Variants in CBFB observed in about 807,000 individuals in gnomAD.
CBFB encodes the protein core-binding factor subunit beta.
CBFB carries 9 observed loss-of-function variants against 30.4 expected under a neutral mutation model. The ratio of observed to expected loss-of-function variants is 0.30; its 90% CI spans 0.18 to 0.52. The LOEUF (loss-of-function observed/expected upper bound fraction) is 0.52. Ranked by LOEUF, CBFB falls within the 20% of genes least tolerant of loss-of-function variation. CBFB has a pLI of 0.97. For synonymous variants in CBFB, 94 were observed against 84.0 expected (o/e 1.12, Z -0.65); for missense variants, 170 against 244.0 (o/e 0.70, Z 2.02).
intron 3 of CBFB, among the ~76,000 whole-genome samples, chr16:67,062,370 T>C (rs1231486829): frequency 1.3e-5 from 2 of 151,452 alleles, no homozygotes; most frequent in Non-Finnish European, 2.9e-5. Flanking sequence ...GGTTTTGCCA[T>C]GTTGGCCGGG....
At position 67,092,698 on chromosome 16, in the gene CBFB, CTTTTTTTTTTTTTT is replaced by C. The variant is rs777213321; in HGVS notation, c.496-5993_496-5980del. The stretch of plus-strand genomic sequence containing the variant: ...CCAGGCTAGGTTACAGTGGTGCAAT[CTTTTTTTTTTTTTT>C]TTTTTTTTTTTTTTTTTTGAGATAA... On this transcript the variant is annotated intron_variant, in intron 5 of 5. Coordinates refer to ENST00000412916, the MANE Select transcript of CBFB (RefSeq NM_022845.3). Among the ~76,000 whole-genome samples the C allele has an allele frequency of 1.3e-3, 44 of 33,530 alleles. 1 individual carries two copies. The South Asian group carries it at 0.023, about 18-fold the overall frequency. 22.0% of individuals were successfully genotyped at this position (33,530 alleles called of 152,430 possible).
At position 67,051,073 on chromosome 16, in the gene CBFB, T is replaced by C. The variant is rs910485136; in HGVS notation, c.282+14318T>C. Among the ~76,000 whole-genome samples the C allele has an allele frequency of 5.8e-4, 89 of 152,322 alleles. 1 individual carries two copies. The highest frequency in any genetic ancestry group is 2.0e-3 in the African/African-American group (84 of 41,568). On this transcript the variant is annotated intron_variant, in intron 3 of 5. Transcript: ENST00000412916. ...CGTGATTGACTGTGAGTAACTGAAA[T>C]CATGGAGAGCAAAACTGTGGCTAAG...
rs1347039750 is a variant in CBFB at position 67,100,751 on chromosome 16, G to A, written c.*1973G>A. The A allele has an allele frequency of 4.6e-6, 1 of 217,494 alleles. No homozygotes were observed. 13.5% of individuals were successfully genotyped at this position (217,494 alleles called of 1,614,324 possible). A position where few individuals can be genotyped will look rare whatever the true frequency, so the allele number is the denominator to read the frequency against. On this transcript the variant is annotated 3_prime_UTR_variant, in exon 6 of 6. Transcript: ENST00000412916. ...TAAATGTTCCTGTTACCATCCTAATGTAAATACTGGATTTTTCTGTCATTT... is the reference window on the plus strand; with the variant it reads ...TAAATGTTCCTGTTACCATCCTAATATAAATACTGGATTTTTCTGTCATTT...
At position 67,029,188 on chromosome 16, in the gene CBFB, A is replaced by AGGCGGC. The variant is rs557593884; in HGVS notation, c.-200_-195dup. On this transcript the variant is annotated 5_prime_UTR_variant, in exon 1 of 6. Coordinates refer to ENST00000412916, the MANE Select transcript of CBFB (RefSeq NM_022845.3). ...CTGCGCGGGCGGCAGGCAACGGCTGAGGCGGCGGCGGCGGCGGCGGCGGCG... is the reference window on the plus strand; with the variant it reads ...CTGCGCGGGCGGCAGGCAACGGCTGAGGCGGCGGCGGCGGCGGCGGCGGCGGCGGCG... 1.1e-3 allele frequency: 212 copies of AGGCGGC among 192,884 alleles called. 1 individual carries two copies. Among genetic ancestry groups the AGGCGGC allele is most frequent in the East Asian group, 3.3e-3 (26 of 7,812 alleles). The allele number at this position is 192,884 out of a possible 1,614,324, so 11.9% of individuals were successfully genotyped here. A position where few individuals can be genotyped will look rare whatever the true frequency, so the allele number is the denominator to read the frequency against.
Position 67,095,345 on chromosome 16 carries a change from C to T in CBFB, c.496-3365C>T, listed in dbSNP as rs956399806. Among the ~76,000 whole-genome samples, 5 of 151,902 alleles carry T rather than the reference C, an allele frequency of 3.3e-5. No homozygotes were observed. The South Asian group carries it at 1.0e-3, about 31-fold the overall frequency. ...CATCCTGGCTAACATGGTGAAACCC[C>T]GTCTGTACTAAAATACAAAAAATTA... On this transcript the variant is annotated intron_variant, in intron 5 of 5. Transcript: ENST00000412916.
chr16:67,081,402 C>T (rs560404591), intron 4 of CBFB, among the ~76,000 whole-genome samples: 36 of 151,942 alleles, frequency 2.4e-4, no homozygotes, highest in Non-Finnish European at 3.7e-4. Flanking sequence ...ATAGCAAAGA[C>T]TTGGAACCAA....
rs1211417302 is a variant in CBFB at position 67,041,840 on chromosome 16, T to TCATAGTTC, written c.282+5086_282+5093dup. ...CCCAGGCTGGAGTGCAGTGGTGCAA[T>TCATAGTTC]CATAGTTCACTGTAACCTCAAACCT... is the stretch of plus-strand genomic sequence containing the variant. On this transcript the variant is annotated intron_variant, in intron 3 of 5. Transcript: ENST00000412916. 2.1e-5 allele frequency among the ~76,000 whole-genome samples: 3 copies of TCATAGTTC among 144,200 alleles called. No individual in the cohort carries two copies. In the Admixed American group the frequency reaches 2.1e-4, roughly 10 times the overall value. 94.6% of individuals were successfully genotyped at this position (144,200 alleles called of 152,430 possible). A position where few individuals can be genotyped will look rare whatever the true frequency, so the allele number is the denominator to read the frequency against.
chr16:67,084,183 A>AC (rs1961650600), intron 5 of CBFB, among the ~76,000 whole-genome samples: 5 of 151,154 alleles, frequency 3.3e-5, no homozygotes, highest in Middle Eastern at 3.4e-3. Flanking sequence ...AAAAAAAAAA[A>AC]AAAAAAGTAT....
At chr16:67,066,623 CTT>C (rs1567615670) in intron 3 of CBFB, 57 bp from the exon 4 acceptor site, 2 of 905,964 alleles carry the variant, frequency 2.2e-6, no homozygotes, top group Non-Finnish European at 3.6e-6. Flanking sequence ...TAAGTTTAAT[CTT>C]TTTATTTTCA....
intron 4 of CBFB, among the ~76,000 whole-genome samples, chr16:67,074,997 A>G (rs1446544326): frequency 6.6e-6 from 1 of 152,044 alleles, no homozygotes; most frequent in African/African-American, 2.4e-5. Flanking sequence ...GTTGGAGACC[A>G]GCCTGGTATG....
intron 5 of CBFB, chr16:67,093,372 T>TG (rs1961954849): frequency 7.6e-6 from 1 of 131,922 alleles, no homozygotes; most frequent in Non-Finnish European, 1.5e-5. Context: ...CAGCAGGTTT[T>TG]TTTTTTTTTT....
intron 3 of CBFB, among the ~76,000 whole-genome samples, chr16:67,037,666 A>ATTTTTTTTTTTTTTTT (rs35804914): frequency 7.7e-6 from 1 of 129,290 alleles, no homozygotes; most frequent in African/African-American, 3.1e-5. Flanking sequence ...GATTTTGGTA[A>ATTTTTTTTTTTTTTTT]TTTTTTTTTT....
chr16:67,056,123 A>G (rs1399740538), intron 3 of CBFB, among the ~76,000 whole-genome samples: 2 of 152,158 alleles, frequency 1.3e-5, no homozygotes, highest in African/African-American at 2.4e-5. Context: ...GATGTTCTCT[A>G]TGTTTTATAA....
intron 3 of CBFB, among the ~76,000 whole-genome samples, chr16:67,066,393 CAA>C (rs56360240): frequency 1.6e-4 from 15 of 96,004 alleles, no homozygotes; most frequent in Admixed American, 2.1e-4. Flanking sequence ...ACTAAAAATA[CAA>C]AAAAAAAAAA....
rs954646831 is a variant in CBFB, at chr16:67,099,166, T to A, written c.*388T>A. On this transcript the variant is annotated 3_prime_UTR_variant, in exon 6 of 6. Transcript: ENST00000412916. ...GGGTTTTCTCTAATCATTTTTTCTA[T>A]TTTTTTTTTTGTACTTCTAGATGTT... is the stretch of plus-strand genomic sequence containing the variant. 5.7e-6 allele frequency: 1 copy of A among 174,800 alleles called. No homozygotes were observed. The highest frequency in any genetic ancestry group is 2.4e-5 in the African/African-American group (1 of 40,920). 10.8% of individuals were successfully genotyped at this position (174,800 alleles called of 1,614,324 possible).
chr16:67,082,440 C>T, intron 5 of CBFB, 132 bp downstream of exon 5: 4 of 1,111,780 alleles, frequency 3.6e-6, no homozygotes, highest in Non-Finnish European at 5.0e-6. Context: ...AAGTTGTACT[C>T]TCTGGCTTTG....
At chr16:67,038,301 CGTATATATGT>C (rs1966475068) in intron 3 of CBFB, among the ~76,000 whole-genome samples, 1 of 149,700 alleles carries the variant, frequency 6.7e-6, no homozygotes, top group Non-Finnish European at 1.5e-5. Flanking sequence ...TATATATACA[CGTATATATGT>C]GTATATATAC....
intron 2 of CBFB, 97 bp from the exon 3 acceptor site, chr16:67,036,542 T>C: frequency 1.4e-6 from 1 of 725,706 alleles, no homozygotes; most frequent in South Asian, 1.6e-5. Context: ...CTGTGCTGCC[T>C]GGCTTAAGAC....
chr16:67,084,191 T>TAAAAAAAAAAA (rs1961651967), intron 5 of CBFB, among the ~76,000 whole-genome samples: 1 of 97,736 alleles, frequency 1.0e-5, no homozygotes, highest in Non-Finnish European at 2.2e-5. Context: ...AAAAAAAAAG[T>TAAAAAAAAAAA]ATATTCTAGC....
Sources: gnomAD v4.1 joint callset for allele counts (sites outside exome capture counted in the v4.1 genomes callset) on GRCh38, gnomAD v4.1.1 for gene constraint, MANE v1.5 for transcripts, NCBI Gene and HGNC (gene_info 2026-07-23, HGNC 2026-07-21) for gene names.